The following CUEDC1 variants were observed in gnomAD, a reference collection of about 807,000 sequenced individuals.
The protein encoded by CUEDC1 is CUE domain-containing protein 1.
CUEDC1 carries 30 observed loss-of-function variants against 43.7 expected under a neutral mutation model. The observed-to-expected ratio is 0.69, with a 90% CI of 0.51 to 0.93. The LOEUF is 0.93. Among genes scored for constraint, CUEDC1 ranks in the 40% least tolerant of loss-of-function variants. CUEDC1 has a pLI of 0.00. For synonymous variants in CUEDC1, 223 were observed against 223.6 expected (o/e 1.00, Z 0.02); for missense variants, 486 against 549.0 (o/e 0.89, Z 1.15).
intron 1 of CUEDC1, among the ~76,000 whole-genome samples, chr17:57,892,208 T>C (rs1227159877): frequency 6.6e-6 from 1 of 152,164 alleles, no homozygotes. Flanking sequence ...TATAAGGGAA[T>C]GCGTTATTAT....
At chr17:57,887,432 G>GA (rs1253417914) in intron 1 of CUEDC1, among the ~76,000 whole-genome samples, 2 of 151,860 alleles carry the variant, frequency 1.3e-5, no homozygotes, top group Non-Finnish European at 2.9e-5. Flanking sequence ...TGAGTTTGAT[G>GA]AAACAGGTGC....
chr17:57,914,731 G>A (rs368179145), intron 1 of CUEDC1, among the ~76,000 whole-genome samples: 141 of 152,308 alleles, frequency 9.3e-4, no homozygotes, highest in African/African-American at 3.2e-3. Context: ...GAAACAGAGG[G>A]ATGTGGCCTG....
At chr17:57,873,042 G>A (rs1447904510) in intron 4 of CUEDC1, among the ~76,000 whole-genome samples, 187 bp from the exon 5 acceptor site, 1 of 152,210 alleles carries the variant, frequency 6.6e-6, no homozygotes, top group Admixed American at 6.5e-5. Flanking sequence ...ATTGCTGCAG[G>A]GGACACAGCA....
At chr17:57,906,911 T>C (rs9893167) in intron 1 of CUEDC1, among the ~76,000 whole-genome samples, 58,934 of 148,644 alleles carry the variant, frequency 0.4, 12,473 homozygotes, top group African/African-American at 0.53. Flanking sequence ...GTGGAGGTTG[T>C]GATGAGCCGA....
At chr17:57,924,558 C>T (rs185669370) in intron 1 of CUEDC1, among the ~76,000 whole-genome samples, 162 of 152,284 alleles carry the variant, frequency 1.1e-3, no homozygotes, top group African/African-American at 3.6e-3. Context: ...GCAAGGCACC[C>T]AGCCCCAGGC....
At chr17:57,870,632 TATG>T (rs1272815962) in intron 6 of CUEDC1, among the ~76,000 whole-genome samples, 1 of 152,072 alleles carries the variant, frequency 6.6e-6, no homozygotes, top group Non-Finnish European at 1.5e-5. Context: ...GACCAAGACT[TATG>T]AGTCTCTGAG....
At chr17:57,916,209 T>C (rs1012746005) in intron 1 of CUEDC1, among the ~76,000 whole-genome samples, 12 of 152,216 alleles carry the variant, frequency 7.9e-5, no homozygotes, top group African/African-American at 2.7e-4. Context: ...CCTCTGAGAA[T>C]GCAGAAGGCC....
chr17:57,931,199 A>AAG (rs1290764197), intron 1 of CUEDC1, among the ~76,000 whole-genome samples: 3 of 152,130 alleles, frequency 2.0e-5, no homozygotes, highest in African/African-American at 4.8e-5. Context: ...GAAGTGTGGG[A>AAG]TCATCTGAGC....
chr17:57,920,480 G>A (rs2074687635), intron 1 of CUEDC1, among the ~76,000 whole-genome samples: 2 of 152,134 alleles, frequency 1.3e-5, no homozygotes, highest in Non-Finnish European at 1.5e-5. Flanking sequence ...TAATCCATCA[G>A]CAACACATGC....
At chr17:57,883,951 G>C (rs552595084) in intron 2 of CUEDC1, among the ~76,000 whole-genome samples, 3 of 151,986 alleles carry the variant, frequency 2.0e-5, no homozygotes, top group Admixed American at 6.5e-5. Flanking sequence ...TGCTGATACT[G>C]GGTGGCCAGA....
intron 1 of CUEDC1, among the ~76,000 whole-genome samples, chr17:57,887,714 A>C (rs1182987761): frequency 8.7e-6 from 1 of 114,460 alleles, no homozygotes; most frequent in Non-Finnish European, 1.6e-5. Flanking sequence ...CATGTTGGTC[A>C]GGCTGTTCTC....
At chr17:57,866,146 AGTGTGCTAC>A (rs1486896288) in intron 10 of CUEDC1, among the ~76,000 whole-genome samples, 1 of 152,102 alleles carries the variant, frequency 6.6e-6, no homozygotes, top group Non-Finnish European at 1.5e-5. Flanking sequence ...TCATCCTCTC[AGTGTGCTAC>A]GTGTGTCCTG....
At chr17:57,941,272 CT>C (rs1422075821) in intron 1 of CUEDC1, among the ~76,000 whole-genome samples, 2 of 152,222 alleles carry the variant, frequency 1.3e-5, no homozygotes, top group African/African-American at 4.8e-5. Context: ...TTTTCTCCCC[CT>C]ATCCCACATA....
rs2075043126 is a variant in CUEDC1, at chr17:57,954,996, G to A, written c.-316+229C>T. On this transcript the variant is annotated intron_variant, in intron 1 of 10. Coordinates refer to ENST00000577830, the MANE Select transcript of CUEDC1 (RefSeq NM_001271875.2). This position sits in a 1 kb window ranked among gnomAD's most constrained non-coding sequence, Gnocchi z 4.3. The stretch of plus-strand genomic sequence containing the variant: ...GGGGCCCGGGATGAGGTGGGGGCTC[G>A]GGAAGGAAGGGCGGGCGGGGACCTG... Among the ~76,000 whole-genome samples the A allele has an allele frequency of 6.6e-6, 1 of 151,562 alleles. No individual in the cohort carries two copies. The highest frequency in any genetic ancestry group is 1.5e-5 in the Non-Finnish European group (1 of 67,782).
Position 57,885,861 on chromosome 17 carries a change from GTTTCACGGAT to G in CUEDC1, c.-307_-298del. ...ACACCCCCGGTGCATCCTGGCACCGGTTTCACGGATGGTCCCACCTGAAACCGAAAGAGAT... is the reference window on the plus strand; with the variant it reads ...ACACCCCCGGTGCATCCTGGCACCGGGGTCCCACCTGAAACCGAAAGAGAT... On this transcript the variant is annotated 5_prime_UTR_variant, in exon 2 of 11. Coordinates refer to ENST00000577830, the MANE Select transcript of CUEDC1 (RefSeq NM_001271875.2). The G allele has an allele frequency of 3.4e-6, 1 of 298,374 alleles. No individual in the cohort carries two copies. Among genetic ancestry groups the G allele is most frequent in the Non-Finnish European group, 6.1e-6 (1 of 163,554 alleles). 18.5% of individuals were successfully genotyped at this position (298,374 alleles called of 1,614,324 possible).
Position 57,872,670 on chromosome 17 carries a change from C to A in CUEDC1, c.777G>T (p.Leu259=). 1.2e-6 allele frequency: 2 copies of A among 1,614,000 alleles called. No homozygotes were observed. The highest frequency in any genetic ancestry group is 1.7e-6 in the Non-Finnish European group (2 of 1,180,014). Residue 259 remains leucine (L), a synonymous_variant, in exon 5 of 11, where the codon CTG becomes CTT. Coordinates refer to ENST00000577830, the MANE Select transcript of CUEDC1 (RefSeq NM_001271875.2). ...LQRNRDFLLA[L]ERDRLKYESQ... ...GCTGCAGGCGCTGCCCACCTCTCTC[C>A]AGAGCGAGGAGGAAGTCGCGGTTCC...
chr17:57,941,028 C>G (rs1398820226), intron 1 of CUEDC1, among the ~76,000 whole-genome samples: 1 of 152,222 alleles, frequency 6.6e-6, no homozygotes, highest in East Asian at 1.9e-4. Context: ...CAAGGCTCTA[C>G]CAACTCTACT....
chr17:57,940,456 T>C (rs1448819937), intron 1 of CUEDC1, among the ~76,000 whole-genome samples: 2 of 152,174 alleles, frequency 1.3e-5, no homozygotes, highest in African/African-American at 2.4e-5. Flanking sequence ...AAGTAACAGG[T>C]GTCAGTTTCC....
intron 1 of CUEDC1, among the ~76,000 whole-genome samples, chr17:57,952,619 G>A (rs916418864): frequency 5.9e-5 from 9 of 152,154 alleles, no homozygotes; most frequent in African/African-American, 1.9e-4. Flanking sequence ...ATAGTCAGAG[G>A]TGACCCCTGT....
Sources: allele counts gnomAD v4.1 joint callset (sites outside exome capture counted in the v4.1 genomes callset), GRCh38; gene constraint gnomAD v4.1.1; non-coding constraint Gnocchi (gnomAD v3.1); transcripts MANE v1.5; gene names NCBI Gene and HGNC (gene_info 2026-07-23, HGNC 2026-07-21).